Variants in PPP2R3A observed in about 807,000 individuals in gnomAD.
PPP2R3A encodes serine/threonine-protein phosphatase 2A regulatory subunit B'' subunit alpha.
Under a neutral mutation model 106.9 loss-of-function variants are expected in PPP2R3A, and 80 were observed. The observed-to-expected ratio is 0.75, with a 90% CI of 0.62 to 0.90. The LOEUF (loss-of-function observed/expected upper bound fraction) is 0.90, where lower values mean the gene tolerates loss of function less well. PPP2R3A is among the 40% of genes least tolerant of loss of function. The pLI, the probability that PPP2R3A is intolerant of heterozygous loss-of-function variation, is 0.00. For missense variants in PPP2R3A, 1,386 were observed against 1,350.4 expected (o/e 1.03, Z -0.41); for synonymous variants, 483 against 468.3 (o/e 1.03, Z -0.41).
rs1687952428 is a variant in PPP2R3A, at chr3:136,146,732, A to G, written c.*1566A>G. On this transcript the variant is annotated 3_prime_UTR_variant, in exon 14 of 14. Transcript: ENST00000264977. ...AAAGCTTAAAAATAATTTTTAGGAAACACAATATTCAAAATCTAAACACAC... is the reference window on the plus strand; with the variant it reads ...AAAGCTTAAAAATAATTTTTAGGAAGCACAATATTCAAAATCTAAACACAC... 1 of 152,114 alleles carries G rather than the reference A, an allele frequency of 6.6e-6. No homozygotes were observed. Among genetic ancestry groups the G allele is most frequent in the Admixed American group, 6.6e-5 (1 of 15,260 alleles). 9.4% of individuals were successfully genotyped at this position (152,114 alleles called of 1,614,324 possible).
At chr3:136,072,257 C>CT (rs1936458895) in intron 6 of PPP2R3A, among the ~76,000 whole-genome samples, 1 of 152,136 alleles carries the variant, frequency 6.6e-6, no homozygotes, top group Admixed American at 6.6e-5. Context: ...ATATAATAGA[C>CT]AGTCAATATG....
intron 2 of PPP2R3A, among the ~76,000 whole-genome samples, chr3:136,022,402 A>G (rs987836660): frequency 1.8e-4 from 27 of 152,286 alleles, no homozygotes; most frequent in African/African-American, 5.8e-4. Flanking sequence ...TTCCCATTTG[A>G]GAATGAAAGT....
rs1559860996 is a variant in PPP2R3A at position 136,001,628 on chromosome 3, T to C, written c.130T>C (p.Cys44Arg). 1 of 1,614,068 alleles carries C rather than the reference T, an allele frequency of 6.2e-7. No homozygotes were observed. Among genetic ancestry groups the C allele is most frequent in the Non-Finnish European group, 8.5e-7 (1 of 1,180,032 alleles). ...TCHTFTHGID[C>R]IVVHHSVCAD... Reference sequence around the variant, plus strand: ...CCACACCTTCACACATGGAATTGACTGCATTGTGGTACACCATAGTGTTTG... The same window carrying C: ...CCACACCTTCACACATGGAATTGACCGCATTGTGGTACACCATAGTGTTTG... The change falls in exon 2 of 14, where the codon TGC becomes CGC. Residue 44 changes from cysteine to arginine, a missense_variant. Coordinates refer to ENST00000264977, the MANE Select transcript of PPP2R3A (RefSeq NM_002718.5).
Position 136,049,344 on chromosome 3 carries a change from T to C in PPP2R3A, c.2452T>C (p.Phe818Leu), listed in dbSNP as rs781029084. The change falls in exon 5 of 14, where the codon TTC becomes CTC. Residue 818 changes from phenylalanine (F) to leucine (L), a missense_variant. Transcript: ENST00000264977. ...PNCSSLEQED[F>L]IPLLQDVVDT... ...CTGCAGCTCTCTAGAACAGGAGGAT[T>C]TCATCCCTCTACTTCAGGTAATTTT... 1.2e-6 allele frequency: 2 copies of C among 1,611,226 alleles called. No individual in the cohort carries two copies. Among genetic ancestry groups the C allele is most frequent in the Admixed American group, 1.7e-5 (1 of 59,772 alleles).
At chr3:136,122,986 T>C (rs561777983) in intron 13 of PPP2R3A, among the ~76,000 whole-genome samples, 8 of 152,176 alleles carry the variant, frequency 5.3e-5, no homozygotes, top group Non-Finnish European at 5.9e-5. Context: ...ATCTTAAAAC[T>C]AAGCAAACTA....
At chr3:136,093,870 G>A (rs1171869960) in intron 10 of PPP2R3A, among the ~76,000 whole-genome samples, 1 of 152,144 alleles carries the variant, frequency 6.6e-6, no homozygotes, top group Non-Finnish European at 1.5e-5. Context: ...ATATGACCTA[G>A]CAATTCCACT....
chr3:136,088,046 C>A, intron 9 of PPP2R3A, 115 bp downstream of exon 9: 2 of 774,268 alleles, frequency 2.6e-6, no homozygotes, highest in African/African-American at 1.8e-5. Context: ...AAATAATATC[C>A]TATAAAACAT....
At chr3:136,099,181 T>TC (rs1032054170) in intron 10 of PPP2R3A, among the ~76,000 whole-genome samples, 5 of 151,954 alleles carry the variant, frequency 3.3e-5, no homozygotes, top group African/African-American at 1.2e-4. Context: ...CACTGGGTCA[T>TC]CCCCAAGGAA....
chr3:136,034,589 C>T (rs1935021805), intron 3 of PPP2R3A, among the ~76,000 whole-genome samples: 2 of 152,140 alleles, frequency 1.3e-5, no homozygotes, highest in African/African-American at 4.8e-5. Context: ...TGAGAGAGTG[C>T]TTGATATAAT....
At chr3:136,143,646 C>T (rs1423756484) in intron 13 of PPP2R3A, among the ~76,000 whole-genome samples, 2 of 151,854 alleles carry the variant, frequency 1.3e-5, no homozygotes, top group Non-Finnish European at 2.9e-5. Flanking sequence ...AAAAATTACC[C>T]GGGCATGGTG....
intron 1 of PPP2R3A, among the ~76,000 whole-genome samples, chr3:135,972,556 A>T (rs944536258): frequency 2.6e-5 from 4 of 152,226 alleles, no homozygotes. Context: ...TTTTCCACAG[A>T]TGCTGCACAC....
Position 136,106,289 on chromosome 3 carries a change from C to G in PPP2R3A, c.3296C>G (p.Ala1099Gly). The change falls in exon 13 of 14, where the codon GCA (alanine) becomes GGA (glycine). Residue 1099 changes from alanine (A) to glycine (G), a missense_variant. Physicochemically the swap from Ala to Gly is moderately conservative, Grantham distance 60. Coordinates refer to ENST00000264977, the MANE Select transcript of PPP2R3A (RefSeq NM_002718.5). ...FAAEEYETLV[A>G]EESAQAQFQE... ...GCTGAGGAGTATGAGACGCTTGTTG[C>G]AGAGGAATCTGCCCAAGCACAATTC... The G allele has an allele frequency of 6.2e-7, 1 of 1,613,856 alleles. No homozygotes were observed. The highest frequency in any genetic ancestry group is 8.5e-7 in the Non-Finnish European group (1 of 1,179,914).
intron 13 of PPP2R3A, among the ~76,000 whole-genome samples, chr3:136,112,737 T>C (rs1937613634): frequency 6.6e-6 from 1 of 152,210 alleles, no homozygotes; most frequent in Admixed American, 6.5e-5. Flanking sequence ...AGAATCAATA[T>C]TGTTAACATG....
At chr3:136,076,896 G>A (rs1352535775) in intron 6 of PPP2R3A, among the ~76,000 whole-genome samples, 4 of 151,422 alleles carry the variant, frequency 2.6e-5, no homozygotes, top group African/African-American at 9.7e-5. Flanking sequence ...GCAGTGAGCC[G>A]AGATTGTGCC....
intron 1 of PPP2R3A, among the ~76,000 whole-genome samples, chr3:135,986,779 T>C (rs1458165836): frequency 6.6e-6 from 1 of 152,178 alleles, no homozygotes; most frequent in Admixed American, 6.6e-5. Context: ...TGTCATCAGC[T>C]TTCCTTTCTT....
chr3:135,976,131 A>G (rs1428566613), intron 1 of PPP2R3A, among the ~76,000 whole-genome samples: 2 of 152,178 alleles, frequency 1.3e-5, no homozygotes. Flanking sequence ...TAGTAATAGG[A>G]ACCCCAGCTT....
chr3:135,974,065 A>G (rs979468789), intron 1 of PPP2R3A, among the ~76,000 whole-genome samples: 2 of 152,216 alleles, frequency 1.3e-5, no homozygotes, highest in Admixed American at 6.5e-5. Context: ...ACCTTTCAGC[A>G]GCATTTTACA....
chr3:136,124,228 G>A (rs1277788044), intron 13 of PPP2R3A, among the ~76,000 whole-genome samples: 1 of 152,160 alleles, frequency 6.6e-6, no homozygotes, highest in African/African-American at 2.4e-5. Context: ...AGTGGCTCAT[G>A]CCAGTAATCT....
chr3:136,034,817 GTAC>G (rs1381016673), intron 3 of PPP2R3A, among the ~76,000 whole-genome samples: 1 of 152,148 alleles, frequency 6.6e-6, no homozygotes, highest in Non-Finnish European at 1.5e-5. Context: ...TGTCAGTGGA[GTAC>G]TGAAGTCCCC....
Sources: allele counts gnomAD v4.1 joint callset (sites outside exome capture counted in the v4.1 genomes callset), GRCh38; gene constraint gnomAD v4.1.1; transcripts MANE v1.5; gene names NCBI Gene and HGNC (gene_info 2026-07-23, HGNC 2026-07-21).